Variants in CIMIP5 observed in about 807,000 individuals in gnomAD.
CIMIP5 encodes ciliary microtubule inner protein 5.
chr2:11,140,537 C>T, the CIMIP5 span: 1 of 1,574,316 alleles, frequency 6.4e-7, no homozygotes, highest in South Asian at 1.1e-5. Flanking sequence ...TCCTGAAAGA[C>T]TATGACCCAA....
chr2:11,146,637 A>G, the CIMIP5 span: 4 of 152,266 alleles, frequency 2.6e-5, no homozygotes, highest in African/African-American at 9.6e-5. Flanking sequence ...GACCAGGCCC[A>G]GTGTGACTTG....
At chr2:11,140,540 T>C in the CIMIP5 span, 1 of 1,575,590 alleles carries the variant, frequency 6.3e-7, no homozygotes, top group Non-Finnish European at 8.7e-7. Flanking sequence ...TGAAAGACTA[T>C]GACCCAATGG....
At chr2:11,133,281 G>GTCTCTCTC in the CIMIP5 span, 128 of 1,460,476 alleles carry the variant, frequency 8.8e-5, no homozygotes, top group African/African-American at 6.5e-4. Context: ...TCAGGCACAG[G>GTCTCTCTC]TCTCTCTCTC....
chr2:11,139,332 A>G, the CIMIP5 span, among the ~76,000 whole-genome samples: 1 of 152,188 alleles, frequency 6.6e-6, no homozygotes, highest in East Asian at 1.9e-4. Flanking sequence ...GGCCTGAAGA[A>G]ACAGCTAAAA....
the CIMIP5 span, chr2:11,143,835 C>T: frequency 1.7e-6 from 2 of 1,166,292 alleles, no homozygotes; most frequent in Middle Eastern, 2.1e-4. Context: ...CAAAGAGAGG[C>T]AGCTGCTCTC....
At chr2:11,144,200 A>C in the CIMIP5 span, 1 of 1,198,052 alleles carries the variant, frequency 8.3e-7, no homozygotes, top group Non-Finnish European at 1.1e-6. Context: ...AGCTCCCCAC[A>C]CAAGGCAGCT....
At chr2:11,144,060 C>T in the CIMIP5 span, 4 of 1,600,674 alleles carry the variant, frequency 2.5e-6, no homozygotes, top group South Asian at 2.3e-5. Context: ...ACTTCTTCTT[C>T]ACAGAAGGGG....
At chr2:11,136,040 A>G in the CIMIP5 span, among the ~76,000 whole-genome samples, 3 of 152,238 alleles carry the variant, frequency 2.0e-5, no homozygotes, top group Non-Finnish European at 2.9e-5. Flanking sequence ...ACTCCTTATC[A>G]GAAATATGAT....
the CIMIP5 span, among the ~76,000 whole-genome samples, chr2:11,149,712 A>AATT: frequency 2.7e-5 from 4 of 150,678 alleles, no homozygotes; most frequent in East Asian, 2.0e-4. Context: ...ATCTCAAAAA[A>AATT]AATTAATTAA....
the CIMIP5 span, among the ~76,000 whole-genome samples, chr2:11,141,067 A>G: frequency 6.6e-6 from 1 of 151,180 alleles, no homozygotes; most frequent in African/African-American, 2.4e-5. Context: ...CCTGTGATCT[A>G]AACCATCTAT....
chr2:11,136,314 A>G, the CIMIP5 span, among the ~76,000 whole-genome samples: 7 of 152,252 alleles, frequency 4.6e-5, no homozygotes, highest in Non-Finnish European at 7.3e-5. Flanking sequence ...CACAGCAAAG[A>G]CAACAATTAA....
chr2:11,142,806 AC>A, the CIMIP5 span, among the ~76,000 whole-genome samples: 3 of 148,810 alleles, frequency 2.0e-5, no homozygotes, highest in African/African-American at 7.5e-5. Flanking sequence ...TGCAGCCTCA[AC>A]CTCCTGGGCT....
chr2:11,144,556 AAAC>A, the CIMIP5 span: 1 of 153,926 alleles, frequency 6.5e-6, no homozygotes, highest in Non-Finnish European at 1.4e-5. Flanking sequence ...GCATAGCTTA[AAAC>A]AACACAAACG....
the CIMIP5 span, chr2:11,140,426 G>T: frequency 4.1e-5 from 30 of 737,898 alleles, no homozygotes; most frequent in Non-Finnish European, 6.3e-5. Flanking sequence ...GTGATACATT[G>T]TTGCATTGAC....
chr2:11,143,588 A>C, the CIMIP5 span, among the ~76,000 whole-genome samples: 1 of 151,818 alleles, frequency 6.6e-6, no homozygotes, highest in South Asian at 2.1e-4. Flanking sequence ...AAAAAAAATC[A>C]AAACCTCCCA....
chr2:11,141,937 A>G, the CIMIP5 span, among the ~76,000 whole-genome samples: 4 of 152,212 alleles, frequency 2.6e-5, no homozygotes, highest in Non-Finnish European at 5.9e-5. Flanking sequence ...TTCATGCTGG[A>G]TGAATGAATG....
chr2:11,143,970 G>T, the CIMIP5 span: 1 of 1,604,606 alleles, frequency 6.2e-7, no homozygotes, highest in Non-Finnish European at 8.5e-7. Context: ...CTCTCTTTTC[G>T]GACACAGTTC....
chr2:11,146,930 AAAG>A, the CIMIP5 span: 6 of 152,402 alleles, frequency 3.9e-5, no homozygotes, highest in Non-Finnish European at 8.8e-5. Flanking sequence ...CACTCAAAAT[AAAG>A]AAGATTTCCA....
chr2:11,137,104 C>T, the CIMIP5 span, among the ~76,000 whole-genome samples: 1 of 152,154 alleles, frequency 6.6e-6, no homozygotes, highest in African/African-American at 2.4e-5. Flanking sequence ...CGGGCACAAT[C>T]GCTCACACCT....
Sources: allele counts gnomAD v4.1 joint callset (sites outside exome capture counted in the v4.1 genomes callset), GRCh38; gene constraint gnomAD v4.1.1; transcripts MANE v1.5; gene names NCBI Gene and HGNC (gene_info 2026-07-23, HGNC 2026-07-21).